Variants in PIK3CD observed in about 807,000 individuals in gnomAD.
The protein encoded by PIK3CD is phosphatidylinositol 4,5-bisphosphate 3-kinase catalytic subunit delta isoform.
Under a neutral mutation model 122.9 loss-of-function variants are expected in PIK3CD, and 20 were observed. The ratio of observed to expected loss-of-function variants is 0.16; its 90% CI spans 0.11 to 0.24. The LOEUF (loss-of-function observed/expected upper bound fraction) is 0.24. Among genes scored for constraint, PIK3CD ranks in the 10% least tolerant of loss-of-function variants. PIK3CD has a pLI of 1.00. For missense variants in PIK3CD, 787 were observed against 1,406.3 expected (o/e 0.56, Z 7.04); for synonymous variants, 596 against 593.4 (o/e 1.00, Z -0.06).
chr1:9,715,600 CTA>C lies in PIK3CD; in HGVS notation c.203_204del (p.Tyr68CysfsTer23). ...TCCACATGCTCAGTGGCCCCGAGGC[CTA>C]TGTGTTCACCTGCATCAACCAGACA... ...LFHMLSGPEA[Y>X]VFTCINQTAE... On this transcript the variant is annotated frameshift_variant, in exon 4 of 24. Coordinates refer to ENST00000377346, the MANE Select transcript of PIK3CD (RefSeq NM_005026.5). LOFTEE classifies it high-confidence loss of function. The surrounding 1 kb of genome is among the most constrained non-coding windows in gnomAD (Gnocchi z 4.1). 6.2e-7 allele frequency: 1 copy of C among 1,613,874 alleles called. No individual in the cohort carries two copies. Among genetic ancestry groups the C allele is most frequent in the East Asian group, 2.2e-5 (1 of 44,884 alleles).
rs1391495656 is a variant in PIK3CD at position 9,700,509 on chromosome 1, A to G, written c.-33+8938A>G. Among the ~76,000 whole-genome samples the G allele has an allele frequency of 6.6e-6, 1 of 152,110 alleles. No homozygotes were observed. Among genetic ancestry groups the G allele is most frequent in the African/African-American group, 2.4e-5 (1 of 41,432 alleles). ...CTTGGATATTTTATGAGTGACTTAG[A>G]TGTGGACACAACTCATGCCTCAGGA... is the stretch of plus-strand genomic sequence containing the variant. On this transcript the variant is annotated intron_variant, in intron 2 of 23. Transcript: ENST00000377346. This position sits in a 1 kb window ranked among gnomAD's most constrained non-coding sequence, Gnocchi z 5.1.
chr1:9,712,648 C>A (rs549178859), intron 3 of PIK3CD, among the ~76,000 whole-genome samples: 1 of 152,292 alleles, frequency 6.6e-6, no homozygotes, highest in East Asian at 1.9e-4. Context: ...AATGGATCAT[C>A]TTTGAGAGTT....
At chr1:9,705,222 G>A (rs1344918520) in intron 2 of PIK3CD, among the ~76,000 whole-genome samples, 1 of 150,050 alleles carries the variant, frequency 6.7e-6, no homozygotes, top group African/African-American at 2.5e-5. Context: ...TGTAATCCCA[G>A]CACTTTGGGA....
chr1:9,663,491 G>A (rs1005193256), intron 1 of PIK3CD, among the ~76,000 whole-genome samples: 3 of 152,214 alleles, frequency 2.0e-5, no homozygotes, highest in African/African-American at 7.2e-5. Flanking sequence ...ATATCTACCT[G>A]TTGATTCCTG....
intron 1 of PIK3CD, among the ~76,000 whole-genome samples, chr1:9,676,685 C>T (rs936102204): frequency 6.6e-6 from 1 of 152,210 alleles, no homozygotes; most frequent in Non-Finnish European, 1.5e-5. Flanking sequence ...CCAGAATAAA[C>T]CTAAACCCAC....
intron 3 of PIK3CD, among the ~76,000 whole-genome samples, chr1:9,712,117 A>G (rs1385989584): frequency 6.6e-6 from 1 of 151,818 alleles, no homozygotes; most frequent in Non-Finnish European, 1.5e-5. Flanking sequence ...AATAATATTC[A>G]GGATGGACTA....
chr1:9,709,586 G>A (rs1489287668), intron 2 of PIK3CD, among the ~76,000 whole-genome samples: 4 of 151,908 alleles, frequency 2.6e-5, no homozygotes, highest in Non-Finnish European at 5.9e-5. Flanking sequence ...GCACCTGTAG[G>A]CCCAGCTACT....
At chr1:9,709,092 C>T (rs554714745) in intron 2 of PIK3CD, among the ~76,000 whole-genome samples, 1 of 151,762 alleles carries the variant, frequency 6.6e-6, no homozygotes, top group African/African-American at 2.4e-5. Flanking sequence ...TGCAGTGGTG[C>T]GATCTCGGCT....
Position 9,727,438 on chromosome 1 carries a change from G to T in PIK3CD, c.*392G>T, listed in dbSNP as rs1356153984. On this transcript the variant is annotated 3_prime_UTR_variant, in exon 24 of 24. Transcript: ENST00000377346. ...GGCGGTCACCTGGTGCCTACTGTCC[G>T]ACAGGATGCCTTGATCCTCGTGCGA... 4.9e-6 allele frequency: 2 copies of T among 407,136 alleles called. No individual in the cohort carries two copies. Among genetic ancestry groups the T allele is most frequent in the East Asian group, 9.2e-5 (2 of 21,798 alleles). The allele number at this position is 407,136 out of a possible 1,614,324, so 25.2% of individuals were successfully genotyped here.
In PIK3CD at chr1:9,657,899, T is replaced by A. The variant is rs559423477; in HGVS notation, c.-138+6097T>A. Reference sequence around the variant, plus strand: ...GAGCCCCATTAATCATTGAAGTTTGTAGGAGGGGTGGATAAGGACATGGGA... The same window carrying A: ...GAGCCCCATTAATCATTGAAGTTTGAAGGAGGGGTGGATAAGGACATGGGA... On this transcript the variant is annotated intron_variant, in intron 1 of 23. Transcript: ENST00000377346. 4.5e-4 allele frequency among the ~76,000 whole-genome samples: 68 copies of A among 151,972 alleles called. 1 individual carries two copies. Among genetic ancestry groups the A allele is most frequent in the South Asian group, 1.2e-3 (6 of 4,808 alleles).
At chr1:9,684,008 G>A (rs1570209309) in intron 1 of PIK3CD, among the ~76,000 whole-genome samples, 1 of 152,114 alleles carries the variant, frequency 6.6e-6, no homozygotes, top group East Asian at 1.9e-4. Context: ...CGTCAGGGTA[G>A]TCAGACCTCT....
chr1:9,649,948 C>T (rs1455262260), upstream of PIK3CD, among the ~76,000 whole-genome samples: 1 of 152,190 alleles, frequency 6.6e-6, no homozygotes, highest in Non-Finnish European at 1.5e-5. Flanking sequence ...CCTCCCTCTA[C>T]CCTCTAAATT....
At position 9,724,698 on chromosome 1, in the gene PIK3CD, G is replaced by T; in HGVS notation, c.2865-106G>T. On this transcript the variant is annotated intron_variant, in intron 22 of 23. Transcript: ENST00000377346. The surrounding 1 kb of genome is among the most constrained non-coding windows in gnomAD (Gnocchi z 7.3). ...GGCCTTGTGTCCACCCATTATCAGG[G>T]CAAGGGCAGGTGTCCTTGGGGAAGG... The T allele has an allele frequency of 7.0e-7, 1 of 1,437,356 alleles. No individual in the cohort carries two copies. The highest frequency in any genetic ancestry group is 9.8e-7 in the Non-Finnish European group (1 of 1,022,408). 89.0% of individuals were successfully genotyped at this position (1,437,356 alleles called of 1,614,324 possible). A position where few individuals can be genotyped will look rare whatever the true frequency, so the allele number is the denominator to read the frequency against.
the PIK3CD span, among the ~76,000 whole-genome samples, chr1:9,632,382 A>G: frequency 6.6e-6 from 1 of 151,820 alleles, no homozygotes; most frequent in Non-Finnish European, 1.5e-5. Flanking sequence ...GGCTATTCAC[A>G]GGTGCAAGGA....
At position 9,723,572 on chromosome 1, in the gene PIK3CD, C is replaced by T. The variant is rs559225932; in HGVS notation, c.2594+280C>T. Among the ~76,000 whole-genome samples the T allele has an allele frequency of 4.7e-4, 72 of 152,164 alleles. No homozygotes were observed. The highest frequency in any genetic ancestry group is 6.2e-4 in the Non-Finnish European group (42 of 68,024). Reference sequence around the variant, plus strand: ...ATCTGCAGCTGGGGCTGGGCTCAGCCGGGTGGCTTTTCTGCTGGTTCCACA... The same window carrying T: ...ATCTGCAGCTGGGGCTGGGCTCAGCTGGGTGGCTTTTCTGCTGGTTCCACA... On this transcript the variant is annotated intron_variant, in intron 20 of 23. Transcript: ENST00000377346. The surrounding 1 kb of genome is among the most constrained non-coding windows in gnomAD (Gnocchi z 4.9).
chr1:9,647,001 C>T (rs890604122), upstream of PIK3CD, among the ~76,000 whole-genome samples: 3 of 150,718 alleles, frequency 2.0e-5, no homozygotes, highest in African/African-American at 7.3e-5. Flanking sequence ...GTCCCAACTA[C>T]TTGGGAGGCT....
rs765797019 is a variant in PIK3CD at position 9,720,754 on chromosome 1, C to T, written c.1534C>T (p.Arg512Trp). The change falls in exon 13 of 24, where the codon CGG becomes TGG. Residue 512 changes from arginine (R) to tryptophan (W), a missense_variant. Physicochemically the swap from Arg to Trp is moderately radical, Grantham distance 101. Transcript: ENST00000377346. The surrounding 1 kb of genome is among the most constrained non-coding windows in gnomAD (Gnocchi z 9.0). ...CCACACCCCTCAGCAGCTGCAGCTGCGGGAAATCCTGGAGCGGCGGGGGTC... is the reference window on the plus strand; with the variant it reads ...CCACACCCCTCAGCAGCTGCAGCTGTGGGAAATCCTGGAGCGGCGGGGGTC... Reference protein sequence around the residue: ...HVTEEEQLQLREILERRGSGE... With the variant: ...HVTEEEQLQLWEILERRGSGE... The T allele has an allele frequency of 1.2e-5, 19 of 1,612,628 alleles. No individual in the cohort carries two copies. Among genetic ancestry groups the T allele is most frequent in the East Asian group, 1.1e-4 (5 of 44,874 alleles).
At position 9,710,678 on chromosome 1, in the gene PIK3CD, C is replaced by A; in HGVS notation, c.141+82C>A. 6.7e-7 allele frequency: 1 copy of A among 1,489,400 alleles called. No homozygotes were observed. Among genetic ancestry groups the A allele is most frequent in the Non-Finnish European group, 9.3e-7 (1 of 1,069,762 alleles). The allele number at this position is 1,489,400 out of a possible 1,614,324, so 92.3% of individuals were successfully genotyped here. On this transcript the variant is annotated intron_variant, in intron 3 of 23. Coordinates refer to ENST00000377346, the MANE Select transcript of PIK3CD (RefSeq NM_005026.5). This position sits in a 1 kb window ranked among gnomAD's most constrained non-coding sequence, Gnocchi z 4.7. ...AGACACAGATAGACAGACAGACAGA[C>A]AGACAGATGGACAGGTGGACAGACG...
At chr1:9,711,065 G>A (rs993899846) in intron 3 of PIK3CD, among the ~76,000 whole-genome samples, 7 of 152,110 alleles carry the variant, frequency 4.6e-5, no homozygotes, top group African/African-American at 1.2e-4. Flanking sequence ...GATTCCAGGC[G>A]TGAGCCACTG....
Sources: allele counts gnomAD v4.1 joint callset (sites outside exome capture counted in the v4.1 genomes callset), GRCh38; gene constraint gnomAD v4.1.1; non-coding constraint Gnocchi (gnomAD v3.1); transcripts MANE v1.5; gene names NCBI Gene and HGNC (gene_info 2026-07-23, HGNC 2026-07-21).